The following COL23A1 variants were observed in gnomAD, a reference collection of about 807,000 sequenced individuals.
COL23A1 encodes the protein collagen type XXIII alpha 1 chain.
A neutral mutation model predicts 99.3 loss-of-function variants in COL23A1; 97 were observed. The observed-to-expected ratio is 0.98, with a 90% CI of 0.83 to 1.16. The LOEUF (loss-of-function observed/expected upper bound fraction) is 1.16. Ranked by LOEUF, COL23A1 falls within the 50% of genes most tolerant of loss-of-function variation. COL23A1 has a pLI of 0.00. For missense variants in COL23A1, 762 were observed against 757.4 expected, an observed-to-expected ratio of 1.01 and a Z score of -0.07; for synonymous variants, 320 against 308.2, an observed-to-expected ratio of 1.04 and a Z score of -0.40.
At chr5:178,353,902 A>T (rs1761470948) in intron 2 of COL23A1, among the ~76,000 whole-genome samples, 1 of 152,012 alleles carries the variant, frequency 6.6e-6, no homozygotes, top group Non-Finnish European at 1.5e-5. Flanking sequence ...ATGTAGAAAC[A>T]AGAGACAAAA....
chr5:178,357,840 G>T (rs1761781237), intron 2 of COL23A1, among the ~76,000 whole-genome samples: 1 of 150,602 alleles, frequency 6.6e-6, no homozygotes, highest in Non-Finnish European at 1.5e-5. Flanking sequence ...GTATGTGTGT[G>T]TATGTCTAAT....
chr5:178,390,270 A>G (rs1273154070), intron 2 of COL23A1, among the ~76,000 whole-genome samples: 1 of 152,236 alleles, frequency 6.6e-6, no homozygotes, highest in African/African-American at 2.4e-5. Context: ...GAACAGGCAT[A>G]CACTGAGACT....
rs749496453 is a variant in COL23A1 at position 178,249,151 on chromosome 5, C to A, written c.1115G>T (p.Gly372Val). 3.7e-6 allele frequency: 6 copies of A among 1,614,062 alleles called. No individual in the cohort carries two copies. The highest frequency in any genetic ancestry group is 1.6e-4 in the Middle Eastern group (1 of 6,084). Reference protein sequence around the residue: ...PGEPGPAGLKGEAGEMGLSGL... With the variant: ...PGEPGPAGLKVEAGEMGLSGL... ...GGACAAGCCCATCTCGCCTGCTTCC[C>A]CTTTGAGTCCTGCTGGCCCAGGCTC... Residue 372 changes from glycine (G) to valine (V), a missense_variant, in exon 19 of 29, where the codon GGG (glycine) becomes GTG (valine). Coordinates refer to ENST00000390654, the MANE Select transcript of COL23A1 (RefSeq NM_173465.4).
chr5:178,291,593 CG>C (rs1757461374), intron 3 of COL23A1, among the ~76,000 whole-genome samples: 1 of 152,034 alleles, frequency 6.6e-6, no homozygotes, highest in East Asian at 1.9e-4. Flanking sequence ...CAGCCAAGCC[CG>C]GGGGTTTGTT....
At chr5:178,448,559 T>C (rs1165515954) in intron 2 of COL23A1, among the ~76,000 whole-genome samples, 1 of 152,248 alleles carries the variant, frequency 6.6e-6, no homozygotes, top group Non-Finnish European at 1.5e-5. Flanking sequence ...ACCTAGCATC[T>C]GGCAAGGGCC....
At chr5:178,511,831 G>A (rs989725068) in intron 2 of COL23A1, among the ~76,000 whole-genome samples, 3 of 152,146 alleles carry the variant, frequency 2.0e-5, no homozygotes, top group Admixed American at 1.3e-4. Context: ...TTCAACATCC[G>A]GGAACACTGC....
chr5:178,458,141 T>C (rs11739643), intron 2 of COL23A1, among the ~76,000 whole-genome samples: 135,639 of 151,496 alleles, frequency 0.9, 60,988 homozygotes, highest in East Asian at 1. Flanking sequence ...AACCCTTGGG[T>C]GTCAGTAGAA....
rs773912656 is a variant in COL23A1 at position 178,268,693 on chromosome 5, T to C, written c.495+37A>G. On this transcript the variant is annotated intron_variant, in intron 7 of 28. Coordinates refer to ENST00000390654, the MANE Select transcript of COL23A1 (RefSeq NM_173465.4). ...AGGCAGGTTTCTGGGATTCTTCGCC[T>C]GCCTACCACATCTGCACAGCCTCTG... is the stretch of plus-strand genomic sequence containing the variant. 2.5e-6 allele frequency: 4 copies of C among 1,586,880 alleles called. No individual in the cohort carries two copies. In the East Asian group the frequency reaches 9.1e-5, roughly 36 times the overall value.
At chr5:178,503,873 G>A (rs910157304) in intron 2 of COL23A1, among the ~76,000 whole-genome samples, 5 of 152,170 alleles carry the variant, frequency 3.3e-5, no homozygotes, top group Admixed American at 6.5e-5. Context: ...TCCCCAAGGC[G>A]GAGCGGGCAG....
intron 25 of COL23A1, among the ~76,000 whole-genome samples, chr5:178,245,658 A>G (rs1764652571): frequency 6.6e-6 from 1 of 152,058 alleles, no homozygotes; most frequent in African/African-American, 2.4e-5. Context: ...TGCATTATGC[A>G]TTCATCCATC....
At position 178,313,034 on chromosome 5, in the gene COL23A1, G is replaced by A. The variant is rs78385123; in HGVS notation, c.362-6115C>T. ...GCCCTGGAGAGGAAGGAGTTCCTGC[G>A]CACGCTGCAGCATGATGGGCCTGGA... On this transcript the variant is annotated intron_variant, in intron 2 of 28. Transcript: ENST00000390654. The surrounding 1 kb of genome is among the most constrained non-coding windows in gnomAD (Gnocchi z 4.2). Among the ~76,000 whole-genome samples the A allele has an allele frequency of 0.094, 14,351 of 152,168 alleles. 934 individuals are homozygous for A. Among genetic ancestry groups the A allele is most frequent in the African/African-American group, 0.18 (7,264 of 41,472 alleles).
intron 2 of COL23A1, among the ~76,000 whole-genome samples, chr5:178,473,642 G>A (rs1756881146): frequency 6.6e-6 from 1 of 151,836 alleles, no homozygotes; most frequent in African/African-American, 2.4e-5. Flanking sequence ...GGGTACCTAT[G>A]AGGGATCCTG....
chr5:178,254,573 A>G (rs1765205848), intron 16 of COL23A1, among the ~76,000 whole-genome samples: 1 of 151,300 alleles, frequency 6.6e-6, no homozygotes, highest in African/African-American at 2.4e-5. Flanking sequence ...AGAGCTTGCC[A>G]CTCTCATCCT....
At chr5:178,570,966 G>A (rs984402140) in intron 1 of COL23A1, among the ~76,000 whole-genome samples, 2 of 152,140 alleles carry the variant, frequency 1.3e-5, no homozygotes, top group African/African-American at 4.8e-5. Flanking sequence ...ACGAACCACC[G>A]AAAAGGATTC....
rs1766097279 is a variant in COL23A1 at position 178,428,935 on chromosome 5, G to A, written c.362-122016C>T. 6.8e-6 allele frequency among the ~76,000 whole-genome samples: 1 copy of A among 147,862 alleles called. No homozygotes were observed. The highest frequency in any genetic ancestry group is 2.8e-4 in the East Asian group (1 of 3,630). On this transcript the variant is annotated intron_variant, in intron 2 of 28. Coordinates refer to ENST00000390654, the MANE Select transcript of COL23A1 (RefSeq NM_173465.4). The surrounding 1 kb of genome is among the most constrained non-coding windows in gnomAD (Gnocchi z 5.0). The stretch of plus-strand genomic sequence containing the variant: ...CAGCTCCCTACCCGCACACAGACAG[G>A]CAGGCCCTCCGTGAGTGTCCTGAGA...
In COL23A1 at chr5:178,560,292, G is replaced by A. The variant is rs78825322; in HGVS notation, c.361+390C>T. The stretch of plus-strand genomic sequence containing the variant: ...TCCACTATTTATCTACCTTCTGCAC[G>A]TCTGACATAGAGCTCTGGTTGCAAT... On this transcript the variant is annotated intron_variant, in intron 2 of 28. Transcript: ENST00000390654. Among the ~76,000 whole-genome samples, 751 of 152,300 alleles carry A rather than the reference G, an allele frequency of 4.9e-3. 6 individuals carry two copies. The highest frequency in any genetic ancestry group is 4.3e-3 in the Non-Finnish European group (291 of 68,026).
chr5:178,447,329 A>G (rs1767217652), intron 2 of COL23A1, among the ~76,000 whole-genome samples: 1 of 152,114 alleles, frequency 6.6e-6, no homozygotes, highest in Non-Finnish European at 1.5e-5. Flanking sequence ...CCTGACCTCA[A>G]GTGATATGCC....
In COL23A1 at chr5:178,523,199, TATAGAGAGAG is replaced by T. The variant is rs1447208263; in HGVS notation, c.361+37473_361+37482del. Among the ~76,000 whole-genome samples, 319 of 75,956 alleles carry T rather than the reference TATAGAGAGAG, an allele frequency of 4.2e-3. 2 individuals carry two copies. The East Asian group carries it at 0.051, about 12-fold the overall frequency. 49.8% of individuals were successfully genotyped at this position (75,956 alleles called of 152,430 possible). On this transcript the variant is annotated intron_variant, in intron 2 of 28. Transcript: ENST00000390654. ...ATATACACATATATATATATATATATATAGAGAGAGAGAGAGAGAGAGAGAGACAGAGGGA... is the reference window on the plus strand; with the variant it reads ...ATATACACATATATATATATATATATAGAGAGAGAGAGAGAGACAGAGGGA...
intron 2 of COL23A1, among the ~76,000 whole-genome samples, chr5:178,443,721 T>C (rs879304485): frequency 1.6e-4 from 25 of 151,594 alleles, no homozygotes; most frequent in Admixed American, 7.9e-4. Flanking sequence ...GCCTCCCAAA[T>C]TGCTGGGATT....
Sources: allele counts gnomAD v4.1 joint callset (sites outside exome capture counted in the v4.1 genomes callset), GRCh38; gene constraint gnomAD v4.1.1; non-coding constraint Gnocchi (gnomAD v3.1); transcripts MANE v1.5; gene names NCBI Gene and HGNC (gene_info 2026-07-23, HGNC 2026-07-21).